The following ZBTB44 variants were observed in gnomAD, a reference collection of about 807,000 sequenced individuals.
ZBTB44 encodes zinc finger and BTB domain containing 44.
In ZBTB44, 15 loss-of-function variants were observed where a neutral mutation model predicts 54.0. That is an observed-to-expected ratio of 0.28 (90% confidence interval 0.19 to 0.43). ZBTB44 has a LOEUF of 0.43. Among genes scored for constraint, ZBTB44 ranks in the 20% least tolerant of loss-of-function variants. The pLI, the probability that ZBTB44 is intolerant of heterozygous loss-of-function variation, is 1.00. For missense variants in ZBTB44, 487 were observed against 707.1 expected (o/e 0.69, Z 3.53); for synonymous variants, 230 against 250.1 (o/e 0.92, Z 0.76).
At chr11:130,234,398 A>C in intron 5 of ZBTB44, 125 bp from the exon 6 acceptor site, 1 of 1,083,802 alleles carries the variant, frequency 9.2e-7, no homozygotes. Flanking sequence ...TGTTCAGTGA[A>C]GATTAAAACT....
Position 130,230,077 on chromosome 11 carries a change from A to G in ZBTB44, c.*1687T>C, listed in dbSNP as rs958774084. On this transcript the variant is annotated 3_prime_UTR_variant, in exon 8 of 8. Transcript: ENST00000357899. ...AATTTTAGGATTATTCATTCAAGTA[A>G]TAAGTCTCTGTTACAGAATTGCCAC... is the stretch of plus-strand genomic sequence containing the variant. 2.0e-5 allele frequency: 3 copies of G among 152,132 alleles called. No individual in the cohort carries two copies. The highest frequency in any genetic ancestry group is 2.9e-5 in the Non-Finnish European group (2 of 67,956). 9.4% of individuals were successfully genotyped at this position (152,132 alleles called of 1,614,324 possible).
chr11:130,293,983 TTAG>T (rs1228321078), intron 1 of ZBTB44, among the ~76,000 whole-genome samples: 1 of 152,202 alleles, frequency 6.6e-6, no homozygotes. Context: ...CCTCTCCTTG[TTAG>T]TAGTCACCAA....
rs1953727438 is a variant in ZBTB44 at position 130,227,283 on chromosome 11, T to C, written c.*4481A>G. 6.6e-6 allele frequency: 1 copy of C among 152,182 alleles called. No individual in the cohort carries two copies. Among genetic ancestry groups the C allele is most frequent in the African/African-American group, 2.4e-5 (1 of 41,442 alleles). 9.4% of individuals were successfully genotyped at this position (152,182 alleles called of 1,614,324 possible). A position where few individuals can be genotyped will look rare whatever the true frequency, so the allele number is the denominator to read the frequency against. On this transcript the variant is annotated 3_prime_UTR_variant, in exon 8 of 8. Coordinates refer to ENST00000357899, the MANE Select transcript of ZBTB44 (RefSeq NM_001301098.2). ...GTCAAACATGCCAAGTTAACTTAGC[T>C]ATGGCCAGTGTCACCAAGTAAAGCC...
intron 1 of ZBTB44, chr11:130,295,822 C>T (rs189876171): frequency 8.8e-6 from 12 of 1,369,006 alleles, no homozygotes; most frequent in Admixed American, 3.4e-5. Flanking sequence ...TGTTCTCTCA[C>T]CTACTAGAGA....
chr11:130,306,860 G>A lies in ZBTB44; in HGVS notation c.-57+7515C>T, dbSNP rs570846597. 1.2e-4 allele frequency among the ~76,000 whole-genome samples: 18 copies of A among 152,166 alleles called. No homozygotes were observed. The South Asian group carries it at 3.1e-3, about 26-fold the overall frequency. ...AAGCTACAAGGACGCAAAAGCATAT[G>A]AAGGATATAACGGACTTTGGGGACT... On this transcript the variant is annotated intron_variant, in intron 1 of 7. Transcript: ENST00000357899.
In ZBTB44 at chr11:130,261,572, A is replaced by G. The variant is rs1052552166; in HGVS notation, c.302T>C (p.Ile101Thr). The change falls in exon 2 of 8, where the codon ATT (isoleucine) becomes ACT (threonine). Residue 101 changes from isoleucine to threonine, a missense_variant. By Grantham distance (89) the Ile-to-Thr change is moderately conservative. Coordinates refer to ENST00000357899, the MANE Select transcript of ZBTB44 (RefSeq NM_001301098.2). The surrounding 1 kb of genome is among the most constrained non-coding windows in gnomAD (Gnocchi z 4.8). ...TATLSINTEN[I>T]IDVLAAASYM... ...GCTGGCTGCTGCTAGAACATCAATA[A>G]TATTTTCTGTGTTAATTGATAGAGT... is the stretch of plus-strand genomic sequence containing the variant. The G allele has an allele frequency of 1.9e-6, 3 of 1,613,924 alleles. No homozygotes were observed. The highest frequency in any genetic ancestry group is 2.5e-6 in the Non-Finnish European group (3 of 1,179,904).
intron 1 of ZBTB44, among the ~76,000 whole-genome samples, chr11:130,271,016 T>A (rs576468875): frequency 6.6e-6 from 1 of 152,302 alleles, no homozygotes; most frequent in African/African-American, 2.4e-5. Context: ...TGTTAGAAGC[T>A]TGGAGCAGAT....
intron 1 of ZBTB44, among the ~76,000 whole-genome samples, chr11:130,267,708 G>C (rs1939356662): frequency 6.6e-6 from 1 of 152,204 alleles, no homozygotes; most frequent in East Asian, 1.9e-4. Context: ...AATCAACTCT[G>C]ATTTTGAAAG....
chr11:130,298,919 C>CA (rs1255848580), intron 1 of ZBTB44, among the ~76,000 whole-genome samples: 2 of 151,586 alleles, frequency 1.3e-5, no homozygotes, highest in Non-Finnish European at 2.9e-5. Flanking sequence ...CCCATCTCTA[C>CA]AAAAAATACA....
intron 1 of ZBTB44, among the ~76,000 whole-genome samples, chr11:130,288,293 G>A (rs1481311340): frequency 6.6e-6 from 1 of 151,964 alleles, no homozygotes; most frequent in African/African-American, 2.4e-5. Context: ...AGAATCACTT[G>A]AACCCAGGAG....
At chr11:130,267,067 C>T (rs1443270874) in intron 1 of ZBTB44, among the ~76,000 whole-genome samples, 1 of 152,028 alleles carries the variant, frequency 6.6e-6, no homozygotes, top group Non-Finnish European at 1.5e-5. Context: ...GAGTTCAAGA[C>T]CAGCCTGGCA....
At chr11:130,296,057 G>A (rs752779322) in intron 1 of ZBTB44, 19 of 1,583,808 alleles carry the variant, frequency 1.2e-5, no homozygotes, top group Non-Finnish European at 1.5e-5. Flanking sequence ...GAAGCTGATC[G>A]TATCTTGGAT....
Position 130,232,145 on chromosome 11 carries a change from TG to T in ZBTB44, c.*49-431del, listed in dbSNP as rs1302983409. ...TACTTTTCCTTTCTTCACATGTTTT[TG>T]GGGAAAAAATTACAGAATTAGCCAA... On this transcript the variant is annotated intron_variant, in intron 7 of 7. Coordinates refer to ENST00000357899, the MANE Select transcript of ZBTB44 (RefSeq NM_001301098.2). The T allele has an allele frequency of 1.4e-4, 21 of 152,292 alleles. No homozygotes were observed. In the East Asian group the frequency reaches 4.0e-3, roughly 29 times the overall value. 9.4% of individuals were successfully genotyped at this position (152,292 alleles called of 1,614,324 possible).
Position 130,261,779 on chromosome 11 carries a change from T to C in ZBTB44, c.95A>G (p.Asp32Gly), listed in dbSNP as rs559832466. Reference protein sequence around the residue: ...NMLRNDGHFCDITIRVQDKIF... With the variant: ...NMLRNDGHFCGITIRVQDKIF... Reference sequence around the variant, plus strand: ...TTTGTCCTGGACACGAATAGTGATATCACAAAAATGTCCATCATTTCGCAG... The same window carrying C: ...TTTGTCCTGGACACGAATAGTGATACCACAAAAATGTCCATCATTTCGCAG... Residue 32 changes from aspartate (D) to glycine (G), a missense_variant, in exon 2 of 8, where the codon GAT becomes GGT. Asp to Gly is a moderately conservative substitution (Grantham distance 94, BLOSUM62 -1). Around this residue, in one of 3 missense-constraint regions of ZBTB44, gnomAD observed 90 missense variants for 160.3 expected, o/e 0.56. Coordinates refer to ENST00000357899, the MANE Select transcript of ZBTB44 (RefSeq NM_001301098.2). The surrounding 1 kb of genome is among the most constrained non-coding windows in gnomAD (Gnocchi z 4.8). The C allele has an allele frequency of 6.2e-7, 1 of 1,614,046 alleles. No individual in the cohort carries two copies. The highest frequency in any genetic ancestry group is 1.3e-5 in the African/African-American group (1 of 75,052).
At chr11:130,308,573 G>A (rs144369068) in intron 1 of ZBTB44, among the ~76,000 whole-genome samples, 1 of 152,326 alleles carries the variant, frequency 6.6e-6, no homozygotes, top group East Asian at 1.9e-4. Flanking sequence ...TGTATAAAAT[G>A]TTTAGCACAG....
rs769534882 is a variant in ZBTB44 at position 130,236,968 on chromosome 11, T to A, written c.1393A>T (p.Thr465Ser). ...FRCQICSATF[T>S]SFGEYKHHMR... is the part of the protein sequence containing the mutation. ...TGGTGTTTATATTCCCCGAAGGAAG[T>A]GAAAGTGGCACTACATATCTGGCAC... Residue 465 changes from threonine to serine, a missense_variant, in exon 5 of 8, where the codon ACT (threonine) becomes TCT (serine). Physicochemically the swap from Thr to Ser is moderately conservative, Grantham distance 58 (BLOSUM62 1). Coordinates refer to ENST00000357899, the MANE Select transcript of ZBTB44 (RefSeq NM_001301098.2). 1.1e-5 allele frequency: 18 copies of A among 1,613,272 alleles called. No homozygotes were observed. The highest frequency in any genetic ancestry group is 1.4e-5 in the Non-Finnish European group (17 of 1,179,654).
rs373224343 is a variant in ZBTB44, at chr11:130,288,915, A to G, written c.-57+25460T>C. On this transcript the variant is annotated intron_variant, in intron 1 of 7. Transcript: ENST00000357899. ...CCGTCTTAAAAAAAAAAAAAAAGAA[A>G]AAGAAAATGAGGACATGGTTAGGAA... Among the ~76,000 whole-genome samples the G allele has an allele frequency of 1.4e-4, 21 of 152,106 alleles. 1 individual carries two copies. In the East Asian group the frequency reaches 3.9e-3, roughly 28 times the overall value.
intron 1 of ZBTB44, among the ~76,000 whole-genome samples, chr11:130,311,819 T>C (rs1052613359): frequency 6.6e-6 from 1 of 152,116 alleles, no homozygotes; most frequent in African/African-American, 2.4e-5. Flanking sequence ...AGATAAACCC[T>C]GGAGTAACTC....
At chr11:130,251,116 T>TA (rs1028387868) in intron 2 of ZBTB44, among the ~76,000 whole-genome samples, 5 of 151,950 alleles carry the variant, frequency 3.3e-5, no homozygotes, top group Admixed American at 6.6e-5. Flanking sequence ...CTGACAGAGC[T>TA]AAAAAACACA....
Sources: gnomAD v4.1 joint callset for allele counts (sites outside exome capture counted in the v4.1 genomes callset) on GRCh38, gnomAD v4.1.1 for gene constraint, gnomAD v4.1.1 regional missense constraint, Gnocchi (gnomAD v3.1) non-coding constraint, MANE v1.5 for transcripts, NCBI Gene and HGNC (gene_info 2026-07-23, HGNC 2026-07-21) for gene names.